AGTR1: variants seen among roughly 807,000 people sequenced by gnomAD.
The protein encoded by AGTR1 is angiotensin II receptor type 1, also known as type-1 angiotensin II receptor.
AGTR1 carries 16 observed loss-of-function variants against 19.4 expected under a neutral mutation model. That is an observed-to-expected ratio of 0.82 (90% CI 0.56 to 1.25). The LOEUF (loss-of-function observed/expected upper bound fraction) is 1.25. Ranked by LOEUF, AGTR1 falls within the 50% of genes most tolerant of loss-of-function variation. AGTR1 has a pLI of 0.00. For synonymous variants in AGTR1, 153 were observed against 154.9 expected (o/e 0.99, Z 0.09); for missense variants, 373 against 431.9 (o/e 0.86, Z 1.21).
intron 2 of AGTR1, chr3:148,739,897 G>A: frequency 8.1e-7 from 1 of 1,231,950 alleles, no homozygotes; most frequent in Non-Finnish European, 1.0e-6. Context: ...TGCCCACCTA[G>A]CTGTCCTGGC....
chr3:148,730,727 G>A (rs1383231241), intron 2 of AGTR1, among the ~76,000 whole-genome samples: 4 of 152,252 alleles, frequency 2.6e-5, no homozygotes, highest in South Asian at 2.1e-4. Flanking sequence ...ACAGCTTGCC[G>A]AACCCCACCC....
Position 148,698,032 on chromosome 3 carries a change from T to A in AGTR1, c.-227T>A, listed in dbSNP as rs893515670. On this transcript the variant is annotated 5_prime_UTR_variant, in exon 1 of 3. An upstream open reading frame in the 5' UTR loses its in-frame stop. Coordinates refer to ENST00000349243, the MANE Select transcript of AGTR1 (RefSeq NM_000685.5). ...GAGCGGCTGGAGCGGACCCAGCGAG[T>A]GAGGGCGCACAGCCGGGACGCCGAG... is the stretch of plus-strand genomic sequence containing the variant. 1 of 151,798 alleles carries A rather than the reference T, an allele frequency of 6.6e-6. No individual in the cohort carries two copies. Among genetic ancestry groups the A allele is most frequent in the East Asian group, 1.9e-4 (1 of 5,156 alleles). 9.4% of individuals were successfully genotyped at this position (151,798 alleles called of 1,614,324 possible). A position where few individuals can be genotyped will look rare whatever the true frequency, so the allele number is the denominator to read the frequency against.
intron 2 of AGTR1, among the ~76,000 whole-genome samples, chr3:148,726,232 G>A (rs929386442): frequency 3.3e-5 from 5 of 150,246 alleles, no homozygotes; most frequent in Non-Finnish European, 7.4e-5. Flanking sequence ...TTTTTTAGAC[G>A]GAGTCTCGCT....
chr3:148,698,846 G>A (rs1387889896), intron 1 of AGTR1, among the ~76,000 whole-genome samples: 1 of 152,180 alleles, frequency 6.6e-6, no homozygotes, highest in Non-Finnish European at 1.5e-5. Flanking sequence ...ACTAAACAGA[G>A]CCTCTGGCAG....
chr3:148,730,521 A>G, intron 2 of AGTR1: 1 of 273,314 alleles, frequency 3.7e-6, no homozygotes, highest in Non-Finnish European at 6.8e-6. Flanking sequence ...TAAGTTTCTC[A>G]TATTCAGTTT....
chr3:148,741,740 T>A lies in AGTR1; in HGVS notation c.705T>A (p.Asn235Lys). 1 of 1,613,856 alleles carries A rather than the reference T, an allele frequency of 6.2e-7. No homozygotes were observed. The highest frequency in any genetic ancestry group is 8.5e-7 in the Non-Finnish European group (1 of 1,179,970). Residue 235 changes from asparagine to lysine, a missense_variant, in exon 3 of 3, where the codon AAT (asparagine) becomes AAA (lysine). Coordinates refer to ENST00000349243, the MANE Select transcript of AGTR1 (RefSeq NM_000685.5). ...AYEIQKNKPR[N>K]DDIFKIIMAI... ...AAATTCAGAAGAACAAACCAAGAAA[T>A]GATGATATTTTTAAGATAATTATGG...
intron 2 of AGTR1, among the ~76,000 whole-genome samples, chr3:148,739,468 G>T (rs1051116433): frequency 6.6e-6 from 1 of 152,256 alleles, no homozygotes; most frequent in East Asian, 1.9e-4. Context: ...ACACCTGTTT[G>T]TGGATACTAA....
intron 2 of AGTR1, among the ~76,000 whole-genome samples, chr3:148,726,502 T>C (rs966645329): frequency 1.3e-5 from 2 of 152,228 alleles, no homozygotes; most frequent in African/African-American, 4.8e-5. Context: ...CCAACATGCC[T>C]GGCCTGCAGT....
chr3:148,730,074 T>G, intron 2 of AGTR1: 55 of 390,228 alleles, frequency 1.4e-4, no homozygotes, highest in East Asian at 2.9e-4. Flanking sequence ...TCCAGATCCA[T>G]GATCTCATTC....
intron 1 of AGTR1, among the ~76,000 whole-genome samples, chr3:148,702,424 G>T (rs1443040261): frequency 2.0e-5 from 3 of 152,296 alleles, no homozygotes; most frequent in Admixed American, 2.0e-4. Flanking sequence ...ACAGCTGCAG[G>T]TACTTACAGA....
intron 2 of AGTR1, among the ~76,000 whole-genome samples, chr3:148,712,108 G>T (rs952950321): frequency 1.3e-5 from 2 of 151,970 alleles, no homozygotes; most frequent in Non-Finnish European, 2.9e-5. Flanking sequence ...TAAATTTAGA[G>T]GCCCTGTTTT....
At chr3:148,705,933 A>G (rs1404734034) in intron 1 of AGTR1, among the ~76,000 whole-genome samples, 2 of 151,972 alleles carry the variant, frequency 1.3e-5, no homozygotes, top group Non-Finnish European at 2.9e-5. Context: ...AATCACTTAC[A>G]TGTTTTTTAA....
intron 1 of AGTR1, among the ~76,000 whole-genome samples, chr3:148,706,826 T>G (rs1226787012): frequency 6.6e-6 from 1 of 151,926 alleles, no homozygotes; most frequent in Non-Finnish European, 1.5e-5. Context: ...AAAGAAAAAA[T>G]GATTTGATAA....
chr3:148,724,650 G>A (rs1435305789), intron 2 of AGTR1, among the ~76,000 whole-genome samples: 2 of 152,110 alleles, frequency 1.3e-5, no homozygotes, highest in African/African-American at 4.8e-5. Context: ...ACTCACAGGA[G>A]ATACAGCTAC....
At chr3:148,698,437 A>G (rs1311100768) in intron 1 of AGTR1, 1 of 152,218 alleles carries the variant, frequency 6.6e-6, no homozygotes, top group African/African-American at 2.4e-5. Context: ...GCAATTCAAT[A>G]AACTTTCTTC....
intron 2 of AGTR1, among the ~76,000 whole-genome samples, chr3:148,729,655 C>G (rs764088333): frequency 2.0e-5 from 3 of 152,086 alleles, no homozygotes; most frequent in Non-Finnish European, 2.9e-5. Flanking sequence ...ATCGGTGTCT[C>G]TTATCACAGG....
Position 148,741,158 on chromosome 3 carries a change from G to A in AGTR1, c.123G>A (p.Val41=). 1 of 1,614,086 alleles carries A rather than the reference G, an allele frequency of 6.2e-7. No individual in the cohort carries two copies. Among genetic ancestry groups the A allele is most frequent in the South Asian group, 1.1e-5 (1 of 91,076 alleles). ...CTTTATACAGTATCATCTTTGTGGT[G>A]GGAATATTTGGAAACAGCTTGGTGG... The part of the protein sequence containing the change: ...IPTLYSIIFV[V]GIFGNSLVVI... The change falls in exon 3 of 3, where the codon GTG becomes GTA. Residue 41 remains valine, a synonymous_variant. Transcript: ENST00000349243.
intron 1 of AGTR1, among the ~76,000 whole-genome samples, chr3:148,706,019 A>AT (rs1003792596): frequency 6.6e-6 from 1 of 151,640 alleles, no homozygotes; most frequent in Admixed American, 6.6e-5. Flanking sequence ...TTTGAGGATG[A>AT]TTTTTTTTCT....
rs1481397980 is a variant in AGTR1 at position 148,741,707 on chromosome 3, G to T, written c.672G>T (p.Lys224Asn). Residue 224 changes from lysine (K) to asparagine (N), a missense_variant, in exon 3 of 3, where the codon AAG becomes AAT. Coordinates refer to ENST00000349243, the MANE Select transcript of AGTR1 (RefSeq NM_000685.5). ...CTCTTATTTGGAAGGCCCTAAAGAA[G>T]GCTTATGAAATTCAGAAGAACAAAC... The part of the protein sequence containing the change: ...SYTLIWKALK[K>N]AYEIQKNKPR... 3 of 1,613,804 alleles carry T rather than the reference G, an allele frequency of 1.9e-6. No homozygotes were observed. The East Asian group carries it at 6.7e-5, about 36-fold the overall frequency.
Sources: allele counts gnomAD v4.1 joint callset (sites outside exome capture counted in the v4.1 genomes callset), GRCh38; gene constraint gnomAD v4.1.1; transcripts MANE v1.5; gene names NCBI Gene and HGNC (gene_info 2026-07-23, HGNC 2026-07-21).